Variants in CDH26 observed in about 807,000 individuals in gnomAD.
CDH26 encodes the protein cadherin 26.
A neutral mutation model predicts 90.3 loss-of-function variants in CDH26; 83 were observed. That is an observed-to-expected ratio of 0.92 (90% CI 0.77 to 1.10). CDH26 has a LOEUF of 1.10. CDH26 is among the 50% of genes least tolerant of loss of function. The pLI is 0.00. For missense variants in CDH26, 1,013 were observed against 1,037.6 expected (o/e 0.98, Z 0.33); for synonymous variants, 397 against 396.3 (o/e 1.00, Z -0.02).
At chr20:60,017,938 T>A (rs924102130), downstream of CDH26, among the ~76,000 whole-genome samples, 1 of 152,104 alleles carries the variant, frequency 6.6e-6, no homozygotes, top group African/African-American at 2.4e-5. Context: ...TGTTCTTGAT[T>A]TTTAGTTTTA....
chr20:60,018,736 T>TTTTTTTTTTTTG (rs2061928127), downstream of CDH26, among the ~76,000 whole-genome samples: 1 of 84,840 alleles, frequency 1.2e-5, no homozygotes, highest in African/African-American at 4.7e-5. Flanking sequence ...TTTTTTTTTT[T>TTTTTTTTTTTTG]GCAGTTGGGT....
chr20:60,024,956 C>A (rs1474245957), intron 7 of CDH26, among the ~76,000 whole-genome samples: 1 of 152,130 alleles, frequency 6.6e-6, no homozygotes, highest in Non-Finnish European at 1.5e-5. Context: ...GCAGGTGCGC[C>A]CTCCTCTGCC....
intron 16 of CDH26, among the ~76,000 whole-genome samples, chr20:60,004,223 A>G (rs549189145): frequency 6.6e-6 from 1 of 152,296 alleles, no homozygotes; most frequent in East Asian, 1.9e-4. Flanking sequence ...TGGCTTCACT[A>G]TGTGTACACA....
intron 17 of CDH26, among the ~76,000 whole-genome samples, chr20:60,008,985 GA>G (rs1205098830): frequency 6.6e-6 from 1 of 152,196 alleles, no homozygotes; most frequent in Non-Finnish European, 1.5e-5. Flanking sequence ...TGCTGGTGAG[GA>G]AGATGAAGGA....
At chr20:59,959,299 C>T (rs1203081215) in intron 1 of CDH26, among the ~76,000 whole-genome samples, 1 of 152,108 alleles carries the variant, frequency 6.6e-6, no homozygotes, top group African/African-American at 2.4e-5. Context: ...GGATTTTCAC[C>T]ATGTTGCCCA....
At chr20:60,021,494 C>A (rs890959078) in intron 7 of CDH26, among the ~76,000 whole-genome samples, 1 of 152,180 alleles carries the variant, frequency 6.6e-6, no homozygotes, top group Non-Finnish European at 1.5e-5. Flanking sequence ...GGAACCTCTA[C>A]ATCATATCAG....
intron 5 of CDH26, among the ~76,000 whole-genome samples, chr20:59,983,793 C>T (rs1233930409): frequency 1.3e-5 from 2 of 151,932 alleles, no homozygotes; most frequent in African/African-American, 2.4e-5. Context: ...TAAATATTTA[C>T]ACATATTTGG....
At chr20:60,005,522 A>T (rs557386863) in intron 16 of CDH26, among the ~76,000 whole-genome samples, 2 of 149,802 alleles carry the variant, frequency 1.3e-5, no homozygotes, top group South Asian at 4.3e-4. Context: ...GTATGTGTAT[A>T]TATAGCCTCA....
At chr20:59,970,741 C>T (rs946910470) in intron 3 of CDH26, among the ~76,000 whole-genome samples, 4 of 151,426 alleles carry the variant, frequency 2.6e-5, no homozygotes, top group Admixed American at 6.6e-5. Context: ...ACCCAGGAGG[C>T]GGAGCTTGCA....
rs1033958960 is a variant in CDH26 at position 60,030,182 on chromosome 20, G to T, written c.948-1049G>T. Among the ~76,000 whole-genome samples, 2 of 152,144 alleles carry T rather than the reference G, an allele frequency of 1.3e-5. No homozygotes were observed. The highest frequency in any genetic ancestry group is 4.8e-5 in the African/African-American group (2 of 41,422). On this transcript the variant is annotated intron_variant, in intron 7 of 8. Transcript: ENST00000370991. This position sits in a 1 kb window ranked among gnomAD's most constrained non-coding sequence, Gnocchi z 4.0. Reference sequence around the variant, plus strand: ...TATACCATCACCAGAATCAAGTTTTGTGGAGCTCTGCTACCTTTTTGCTGG... The same window carrying T: ...TATACCATCACCAGAATCAAGTTTTTTGGAGCTCTGCTACCTTTTTGCTGG...
chr20:60,028,153 A>C (rs2062013388), intron 7 of CDH26, among the ~76,000 whole-genome samples: 1 of 152,214 alleles, frequency 6.6e-6, no homozygotes, highest in Non-Finnish European at 1.5e-5. Flanking sequence ...GGTGCTGAGC[A>C]GGGCAGCACC....
chr20:59,994,507 T>C lies in CDH26; in HGVS notation c.1666+18T>C, dbSNP rs769731110. On this transcript the variant is annotated intron_variant, in intron 11 of 17. Transcript: ENST00000348616. ...AAATTGGGGTGAGTTTTTGTATTGG[T>C]TACGGGCAAAGAGTGGAAAATGCCA... is the stretch of plus-strand genomic sequence containing the variant. The C allele has an allele frequency of 6.2e-7, 1 of 1,612,132 alleles. No homozygotes were observed. Among genetic ancestry groups the C allele is most frequent in the South Asian group, 1.1e-5 (1 of 91,018 alleles).
chr20:60,034,484 C>T (rs2062068391), downstream of CDH26, among the ~76,000 whole-genome samples: 1 of 152,162 alleles, frequency 6.6e-6, no homozygotes, highest in African/African-American at 2.4e-5. Flanking sequence ...AGTCTCTGCT[C>T]ATAGCCTCGG....
intron 2 of CDH26, among the ~76,000 whole-genome samples, chr20:59,969,386 G>A (rs13043442): frequency 0.017 from 2,603 of 152,176 alleles, 34 homozygotes; most frequent in Non-Finnish European, 0.029. Context: ...CTCATGCCAC[G>A]TTGTGATTAT....
At chr20:59,966,431 T>C (rs1392986076) in intron 1 of CDH26, among the ~76,000 whole-genome samples, 1 of 152,230 alleles carries the variant, frequency 6.6e-6, no homozygotes, top group Non-Finnish European at 1.5e-5. Flanking sequence ...TATTTTTTAC[T>C]ACTTCATGAG....
chr20:60,030,375 G>A lies in CDH26; in HGVS notation c.948-856G>A, dbSNP rs1351967508. Among the ~76,000 whole-genome samples, 1 of 152,012 alleles carries A rather than the reference G, an allele frequency of 6.6e-6. No individual in the cohort carries two copies. Among genetic ancestry groups the A allele is most frequent in the African/African-American group, 2.4e-5 (1 of 41,390 alleles). ...GGTCTGTTGGTGTTTTAAGTATCTG[G>A]GTTTTTTTTTGTTTGCTTTTTTTTG... On this transcript the variant is annotated intron_variant, in intron 7 of 8. Transcript: ENST00000370991. The surrounding 1 kb of genome is among the most constrained non-coding windows in gnomAD (Gnocchi z 4.0).
chr20:59,963,034 C>T (rs187039876), intron 1 of CDH26, among the ~76,000 whole-genome samples: 1 of 152,230 alleles, frequency 6.6e-6, no homozygotes, highest in East Asian at 1.9e-4. Context: ...TTACGTAGCC[C>T]TTGCCATCCT....
At chr20:59,967,761 C>G (rs555968567) in intron 1 of CDH26, among the ~76,000 whole-genome samples, 1 of 146,590 alleles carries the variant, frequency 6.8e-6, no homozygotes, top group East Asian at 2.1e-4. Context: ...CTTCCCCTTC[C>G]CCTTCCCCTT....
chr20:60,005,164 C>G (rs140112141), intron 16 of CDH26, among the ~76,000 whole-genome samples: 43 of 152,222 alleles, frequency 2.8e-4, no homozygotes, highest in African/African-American at 8.9e-4. Context: ...TTTCTTCTAG[C>G]TTACTTTGTT....
Sources: allele counts gnomAD v4.1 joint callset (sites outside exome capture counted in the v4.1 genomes callset), GRCh38; gene constraint gnomAD v4.1.1; non-coding constraint Gnocchi (gnomAD v3.1); transcripts MANE v1.5; gene names NCBI Gene and HGNC (gene_info 2026-07-23, HGNC 2026-07-21).